Variants in THSD7B observed in about 807,000 individuals in gnomAD.
THSD7B encodes the protein thrombospondin type 1 domain containing 7B, also known as thrombospondin type-1 domain-containing protein 7B.
THSD7B carries 138 observed loss-of-function variants against 213.6 expected under a neutral mutation model. That is an observed-to-expected ratio of 0.65 (90% CI 0.56 to 0.74). The LOEUF is 0.74. Among genes scored for constraint, THSD7B ranks in the 30% least tolerant of loss-of-function variants. THSD7B has a pLI of 0.00. For missense variants in THSD7B, 1,931 were observed against 1,991.5 expected (o/e 0.97, Z 0.58); for synonymous variants, 742 against 687.0 (o/e 1.08, Z -1.25).
chr2:137,585,319 G>T (rs993058570), intron 17 of THSD7B, among the ~76,000 whole-genome samples: 5 of 151,862 alleles, frequency 3.3e-5, no homozygotes, highest in Non-Finnish European at 5.9e-5. Flanking sequence ...TTTTTGAAAG[G>T]TTTTTTTGTC....
chr2:137,583,247 G>C (rs111617262), intron 17 of THSD7B, among the ~76,000 whole-genome samples: 33,795 of 151,996 alleles, frequency 0.22, 3,924 homozygotes, highest in Middle Eastern at 0.32. Context: ...AGCCCTTTGT[G>C]AGATGAGTAG....
chr2:137,003,161 G>A (rs957469110), intron 2 of THSD7B, among the ~76,000 whole-genome samples: 2 of 152,164 alleles, frequency 1.3e-5, no homozygotes, highest in African/African-American at 2.4e-5. Flanking sequence ...AAGAGGTTAT[G>A]TTCTCGTGCT....
intron 26 of THSD7B, among the ~76,000 whole-genome samples, chr2:137,667,538 G>A (rs186460849): frequency 3.9e-4 from 60 of 152,178 alleles, no homozygotes; most frequent in African/African-American, 1.2e-3. Flanking sequence ...TAGGAAACCC[G>A]TATTCCTATG....
At chr2:137,522,197 C>T (rs1055656419) in intron 15 of THSD7B, among the ~76,000 whole-genome samples, 1 of 152,208 alleles carries the variant, frequency 6.6e-6, no homozygotes, top group Non-Finnish European at 1.5e-5. Context: ...TCAAATGCTT[C>T]TCTCTGTGTG....
At chr2:137,488,263 TTTAA>T (rs1010463329) in intron 15 of THSD7B, among the ~76,000 whole-genome samples, 18 of 152,276 alleles carry the variant, frequency 1.2e-4, no homozygotes, top group Non-Finnish European at 2.5e-4. Context: ...AAAATAATTA[TTTAA>T]TTAACTATTA....
chr2:137,418,438 T>C (rs4954508), intron 14 of THSD7B, among the ~76,000 whole-genome samples: 87,828 of 152,094 alleles, frequency 0.58, 27,845 homozygotes, highest in East Asian at 0.77. Flanking sequence ...TTAATCATTA[T>C]AAAAGATTTA....
chr2:137,470,910 C>CTTTTTTTTTTTTT (rs70978226), intron 15 of THSD7B, among the ~76,000 whole-genome samples: 15 of 119,820 alleles, frequency 1.3e-4, no homozygotes, highest in Non-Finnish European at 1.4e-4. Flanking sequence ...TTTTTCTTTA[C>CTTTTTTTTTTTTT]TTTTTTTTTT....
chr2:137,003,727 T>C lies in THSD7B; in HGVS notation c.140-52693T>C, dbSNP rs558089647. Among the ~76,000 whole-genome samples, 10 of 152,252 alleles carry C rather than the reference T, an allele frequency of 6.6e-5. No individual in the cohort carries two copies. In the South Asian group the frequency reaches 2.1e-3, roughly 32 times the overall value. ...TGTGTACCTATCTGTATTAGGCCTC[T>C]CCATGCATTTGCTAGCTCTTCAGTC... On this transcript the variant is annotated intron_variant, in intron 2 of 27. Transcript: ENST00000409968.
intron 15 of THSD7B, among the ~76,000 whole-genome samples, chr2:137,525,893 G>T (rs533325643): frequency 1.3e-5 from 2 of 152,186 alleles, no homozygotes; most frequent in African/African-American, 2.4e-5. Flanking sequence ...CCACATAAAA[G>T]CTAGCTTCAC....
intron 2 of THSD7B, among the ~76,000 whole-genome samples, chr2:136,963,395 G>A (rs912543606): frequency 6.6e-6 from 1 of 152,118 alleles, no homozygotes; most frequent in Non-Finnish European, 1.5e-5. Flanking sequence ...TGGGTGCCAG[G>A]GCTTAGGGAG....
chr2:137,254,451 G>C (rs189178892), intron 10 of THSD7B, among the ~76,000 whole-genome samples: 2 of 152,296 alleles, frequency 1.3e-5, no homozygotes, highest in East Asian at 3.9e-4. Flanking sequence ...ATTGCTGAAT[G>C]ACCACAATGC....
At chr2:137,211,845 G>T (rs1681119796) in intron 7 of THSD7B, among the ~76,000 whole-genome samples, 1 of 152,058 alleles carries the variant, frequency 6.6e-6, no homozygotes, top group Non-Finnish European at 1.5e-5. Context: ...ATTATGGAAA[G>T]AAAAGGTAAG....
At chr2:137,229,680 G>A (rs934945957) in intron 7 of THSD7B, among the ~76,000 whole-genome samples, 2 of 152,078 alleles carry the variant, frequency 1.3e-5, no homozygotes, top group African/African-American at 4.8e-5. Context: ...AGAAGCAGAA[G>A]TTTCAGAGTC....
chr2:137,558,851 G>A lies in THSD7B; in HGVS notation c.3139-4370G>A, dbSNP rs181282614. On this transcript the variant is annotated intron_variant, in intron 15 of 27. Coordinates refer to ENST00000409968, the MANE Select transcript of THSD7B (RefSeq NM_001316349.2). Reference sequence around the variant, plus strand: ...GCCCCAAATCTCCTTAAGCTGATAAGCAACTCCAGCAAAGTCTCAGGATAC... The same window carrying A: ...GCCCCAAATCTCCTTAAGCTGATAAACAACTCCAGCAAAGTCTCAGGATAC... Among the ~76,000 whole-genome samples, 1,250 of 152,248 alleles carry A rather than the reference G, an allele frequency of 8.2e-3. 16 individuals are homozygous for A. The highest frequency in any genetic ancestry group is 0.014 in the Non-Finnish European group (973 of 68,028).
chr2:137,385,817 G>A (rs1685882388), intron 12 of THSD7B, among the ~76,000 whole-genome samples: 1 of 152,130 alleles, frequency 6.6e-6, no homozygotes, highest in African/African-American at 2.4e-5. Context: ...TGAAATCTTG[G>A]TTTCAAAGTC....
chr2:137,145,696 A>T (rs1175517383), intron 5 of THSD7B, among the ~76,000 whole-genome samples: 1 of 152,058 alleles, frequency 6.6e-6, no homozygotes, highest in East Asian at 1.9e-4. Context: ...ATCTCAATTA[A>T]GAAGGTATAA....
chr2:137,029,078 C>CTTTTTTTT (rs11443045), intron 2 of THSD7B, among the ~76,000 whole-genome samples: 1 of 121,014 alleles, frequency 8.3e-6, no homozygotes, highest in Non-Finnish European at 1.6e-5. Flanking sequence ...TCTTTGTAAG[C>CTTTTTTTT]TTTTTTTTTT....
intron 12 of THSD7B, among the ~76,000 whole-genome samples, chr2:137,293,072 G>A (rs1321144607): frequency 2.0e-5 from 3 of 152,036 alleles, no homozygotes; most frequent in Non-Finnish European, 4.4e-5. Context: ...AATTGAGTGG[G>A]CCCAGGTGGT....
At chr2:136,879,050 G>A (rs1683572345) in intron 1 of THSD7B, among the ~76,000 whole-genome samples, 1 of 152,146 alleles carries the variant, frequency 6.6e-6, no homozygotes, top group Admixed American at 6.5e-5. Context: ...ATGGTTTTAG[G>A]TCTAACATTT....
Sources: gnomAD v4.1 joint callset for allele counts (sites outside exome capture counted in the v4.1 genomes callset) on GRCh38, gnomAD v4.1.1 for gene constraint, MANE v1.5 for transcripts, NCBI Gene and HGNC (gene_info 2026-07-23, HGNC 2026-07-21) for gene names.